Variants in NEGR1 observed in about 807,000 individuals in gnomAD.
NEGR1 encodes the protein neuronal growth regulator 1.
In NEGR1, 10 loss-of-function variants were observed where a neutral mutation model predicts 40.9. The ratio of observed to expected loss-of-function variants is 0.24; its 90% CI spans 0.15 to 0.42. The LOEUF is 0.42. Among genes scored for constraint, NEGR1 ranks in the 10% least tolerant of loss-of-function variants. NEGR1 has a pLI of 1.00. For synonymous variants in NEGR1, 185 were observed against 166.8 expected, an observed-to-expected ratio of 1.11 and a Z score of -0.84; for missense variants, 352 against 438.9, an observed-to-expected ratio of 0.80 and a Z score of 1.77.
At chr1:71,829,731 C>T (rs759922391) in intron 2 of NEGR1, among the ~76,000 whole-genome samples, 29 of 151,904 alleles carry the variant, frequency 1.9e-4, no homozygotes, top group Non-Finnish European at 3.8e-4. Flanking sequence ...AATCAAAAAA[C>T]GCTGTTCCCT....
At chr1:71,509,700 G>T (rs1312366685) in intron 6 of NEGR1, among the ~76,000 whole-genome samples, 1 of 152,180 alleles carries the variant, frequency 6.6e-6, no homozygotes, top group Admixed American at 6.5e-5. Flanking sequence ...GGAGTCCCAG[G>T]TGGGTGCCTA....
In NEGR1 at chr1:71,399,840, GA is replaced by G. The variant is rs936212136; in HGVS notation, c.*7605del. On this transcript the variant is annotated 3_prime_UTR_variant, in exon 7 of 7. Coordinates refer to ENST00000357731, the MANE Select transcript of NEGR1 (RefSeq NM_173808.3). ...TTATGAAACTACTTAGAAAACTATG[GA>G]AGAGTTCTGTGGCTCTTACTAGGTA... 14 of 152,174 alleles carry G rather than the reference GA, an allele frequency of 9.2e-5. No individual in the cohort carries two copies. The highest frequency in any genetic ancestry group is 3.4e-4 in the African/African-American group (14 of 41,428). 9.4% of individuals were successfully genotyped at this position (152,174 alleles called of 1,614,324 possible). A position where few individuals can be genotyped will look rare whatever the true frequency, so the allele number is the denominator to read the frequency against.
chr1:71,846,685 C>T lies in NEGR1; in HGVS notation c.410-70388G>A, dbSNP rs544926076. 5.3e-5 allele frequency among the ~76,000 whole-genome samples: 8 copies of T among 152,228 alleles called. No homozygotes were observed. The East Asian group carries it at 1.5e-3, about 29-fold the overall frequency. ...GAATGGGTAACTTAGAAATATATCA[C>T]AATTCTGGAGACTGAGAAATGCAAG... On this transcript the variant is annotated intron_variant, in intron 2 of 6. Transcript: ENST00000357731.
chr1:71,800,109 CT>C lies in NEGR1; in HGVS notation c.410-23813del, dbSNP rs1657500621. ...TTCTCTAACGACCAGTGATGATGAG[CT>C]TTTTTCATATGTTTGTTGGCTGCAT... On this transcript the variant is annotated intron_variant, in intron 2 of 6. Coordinates refer to ENST00000357731, the MANE Select transcript of NEGR1 (RefSeq NM_173808.3). Among the ~76,000 whole-genome samples the C allele has an allele frequency of 2.0e-5, 3 of 152,200 alleles. No homozygotes were observed. In the East Asian group the frequency reaches 5.8e-4, roughly 29 times the overall value.
chr1:71,582,394 A>T (rs973525034), intron 6 of NEGR1, among the ~76,000 whole-genome samples: 13 of 152,208 alleles, frequency 8.5e-5, no homozygotes, highest in African/African-American at 2.9e-4. Flanking sequence ...AGACCCACAG[A>T]CTATTATTTT....
intron 6 of NEGR1, among the ~76,000 whole-genome samples, chr1:71,563,813 A>G (rs1648534377): frequency 6.6e-6 from 1 of 151,932 alleles, no homozygotes; most frequent in Admixed American, 6.6e-5. Flanking sequence ...AAAATAAAGG[A>G]AGGATCACAG....
In NEGR1 at chr1:72,071,735, A is replaced by G. The variant is rs985348523; in HGVS notation, c.177-136424T>C. 4.6e-5 allele frequency among the ~76,000 whole-genome samples: 7 copies of G among 152,084 alleles called. 1 individual carries two copies. The highest frequency in any genetic ancestry group is 1.4e-4 in the African/African-American group (6 of 41,434). On this transcript the variant is annotated intron_variant, in intron 1 of 6. Coordinates refer to ENST00000357731, the MANE Select transcript of NEGR1 (RefSeq NM_173808.3). ...AGTCTACCACTGAAATATCTTTCAA[A>G]GGGGTCTTTTCCTGTTTCCACAACC...
At chr1:72,186,781 T>C (rs113630461) in intron 1 of NEGR1, among the ~76,000 whole-genome samples, 5,083 of 151,618 alleles carry the variant, frequency 0.034, 146 homozygotes, top group Non-Finnish European at 0.049. Flanking sequence ...TCTCATAGAG[T>C]ACTTTGAGAA....
chr1:72,014,490 A>T (rs915959426), intron 1 of NEGR1, among the ~76,000 whole-genome samples: 4 of 151,976 alleles, frequency 2.6e-5, no homozygotes, highest in Admixed American at 2.6e-4. Context: ...TTTTATTATT[A>T]TTTTTACTAC....
chr1:71,657,307 A>C (rs889069053), intron 4 of NEGR1, among the ~76,000 whole-genome samples: 2 of 152,186 alleles, frequency 1.3e-5, no homozygotes, highest in Admixed American at 1.3e-4. Context: ...AAAAAGGCTC[A>C]AGATCAAGAA....
chr1:71,924,072 G>A (rs1353199202), intron 2 of NEGR1, among the ~76,000 whole-genome samples: 1 of 152,008 alleles, frequency 6.6e-6, no homozygotes, highest in African/African-American at 2.4e-5. Flanking sequence ...AAAAAAAATT[G>A]TAGAAATAGG....
chr1:71,759,405 C>T (rs1044773031), intron 3 of NEGR1, among the ~76,000 whole-genome samples: 1 of 137,070 alleles, frequency 7.3e-6, no homozygotes, highest in Non-Finnish European at 1.5e-5. Flanking sequence ...TCAAGTGATT[C>T]TCCTGGCTCA....
At chr1:71,929,694 T>A (rs1302980464) in intron 2 of NEGR1, among the ~76,000 whole-genome samples, 17 of 152,078 alleles carry the variant, frequency 1.1e-4, no homozygotes, top group Non-Finnish European at 2.5e-4. Context: ...AATTGTCCAA[T>A]GTATGTAGTA....
At chr1:71,639,716 T>C (rs1340912691) in intron 4 of NEGR1, among the ~76,000 whole-genome samples, 2 of 151,996 alleles carry the variant, frequency 1.3e-5, no homozygotes, top group Non-Finnish European at 2.9e-5. Flanking sequence ...TGCCAAGTAA[T>C]GTGGTATAGG....
chr1:71,858,899 C>T (rs909744259), intron 2 of NEGR1, among the ~76,000 whole-genome samples: 6 of 151,926 alleles, frequency 3.9e-5, no homozygotes, highest in Non-Finnish European at 7.4e-5. Context: ...ATATAGCATT[C>T]CCCACCAATG....
At chr1:72,246,966 A>G (rs1224610174) in intron 1 of NEGR1, among the ~76,000 whole-genome samples, 1 of 152,224 alleles carries the variant, frequency 6.6e-6, no homozygotes, top group Admixed American at 6.5e-5. Flanking sequence ...TATGTCTTGC[A>G]TTCTCCAAAG....
At chr1:71,653,011 T>TC (rs1414339636) in intron 4 of NEGR1, among the ~76,000 whole-genome samples, 1 of 152,232 alleles carries the variant, frequency 6.6e-6, no homozygotes, top group Non-Finnish European at 1.5e-5. Context: ...CTCATTGACC[T>TC]CCCTGCCCCC....
intron 1 of NEGR1, among the ~76,000 whole-genome samples, chr1:71,996,795 C>T (rs2100370816): frequency 6.6e-6 from 1 of 152,162 alleles, no homozygotes. Flanking sequence ...TCGTACACAC[C>T]TTTCACTTTT....
intron 6 of NEGR1, among the ~76,000 whole-genome samples, chr1:71,454,267 T>C (rs1646654095): frequency 6.6e-6 from 1 of 152,216 alleles, no homozygotes; most frequent in Non-Finnish European, 1.5e-5. Context: ...GTGGATTTTC[T>C]GCTTTTCTCC....
Sources: allele counts gnomAD v4.1 joint callset (sites outside exome capture counted in the v4.1 genomes callset), GRCh38; gene constraint gnomAD v4.1.1; transcripts MANE v1.5; gene names NCBI Gene and HGNC (gene_info 2026-07-23, HGNC 2026-07-21).